The following MEGF11 variants were observed in gnomAD, a reference collection of about 807,000 sequenced individuals.
The protein encoded by MEGF11 is multiple EGF like domains 11.
In MEGF11, 126 loss-of-function variants were observed where a neutral mutation model predicts 146.6. That is an observed-to-expected ratio of 0.86 (90% CI 0.74 to 1.00). The LOEUF (loss-of-function observed/expected upper bound fraction) is 1.00, where lower values mean the gene tolerates loss of function less well. MEGF11 is among the 50% of genes least tolerant of loss of function. The pLI, the probability that MEGF11 is intolerant of heterozygous loss-of-function variation, is 0.00. For synonymous variants in MEGF11, 532 were observed against 583.4 expected (o/e 0.91, Z 1.27); for missense variants, 1,509 against 1,521.2 (o/e 0.99, Z 0.13).
At chr15:66,074,149 C>G (rs1164074730) in intron 5 of MEGF11, among the ~76,000 whole-genome samples, 1 of 152,174 alleles carries the variant, frequency 6.6e-6, no homozygotes, top group Non-Finnish European at 1.5e-5. Flanking sequence ...CTGAGCCTGA[C>G]TGGTTTGATG....
chr15:66,169,325 C>G (rs1194464277), intron 1 of MEGF11, among the ~76,000 whole-genome samples: 1 of 152,236 alleles, frequency 6.6e-6, no homozygotes, highest in Non-Finnish European at 1.5e-5. Context: ...CAGCCTCCGA[C>G]CCTCCACCGT....
chr15:65,943,567 A>G (rs929355614), intron 10 of MEGF11, among the ~76,000 whole-genome samples: 1 of 152,156 alleles, frequency 6.6e-6, no homozygotes. Flanking sequence ...CTCTGCATGT[A>G]TGGAGAGCAG....
chr15:65,942,037 G>A (rs761096706), intron 10 of MEGF11, among the ~76,000 whole-genome samples: 1 of 152,140 alleles, frequency 6.6e-6, no homozygotes, highest in Admixed American at 6.5e-5. Flanking sequence ...CCTGCAGGGA[G>A]AGAATTCCCT....
intron 19 of MEGF11, 184 bp from the exon 20 acceptor site, chr15:65,914,157 G>A: frequency 1.7e-6 from 1 of 592,144 alleles, no homozygotes; most frequent in South Asian, 2.1e-5. Flanking sequence ...TAAAGGGGAT[G>A]GAGTCTCAGG....
chr15:65,896,727 T>G lies in MEGF11; in HGVS notation c.*1207A>C, dbSNP rs774305212. On this transcript the variant is annotated 3_prime_UTR_variant, in exon 26 of 26. Transcript: ENST00000395614. ...ACTGGGATCTGGAGCATTAGCTCAT[T>G]GTAATGCATATTGGGCTAGCTCAGT... The G allele has an allele frequency of 3.3e-5, 5 of 152,220 alleles. No homozygotes were observed. Among genetic ancestry groups the G allele is most frequent in the African/African-American group, 4.8e-5 (2 of 41,448 alleles). The allele number at this position is 152,220 out of a possible 1,614,324, so 9.4% of individuals were successfully genotyped here.
intron 2 of MEGF11, 22 bp from the exon 3 acceptor site, chr15:66,124,022 G>T (rs534844175): frequency 3.1e-6 from 5 of 1,589,382 alleles, no homozygotes; most frequent in African/African-American, 1.3e-5. Flanking sequence ...ATGGGAGATA[G>T]GAGCCATGAT....
At chr15:66,229,610 G>T (rs1432002581) in intron 1 of MEGF11, among the ~76,000 whole-genome samples, 1 of 152,212 alleles carries the variant, frequency 6.6e-6, no homozygotes, top group Non-Finnish European at 1.5e-5. Context: ...AGACAATTCA[G>T]TAGGATGACA....
At chr15:66,125,384 T>C (rs1240230491) in intron 2 of MEGF11, among the ~76,000 whole-genome samples, 5 of 152,162 alleles carry the variant, frequency 3.3e-5, no homozygotes, top group African/African-American at 1.2e-4. Flanking sequence ...ATCGCATGAA[T>C]CTTTGCTCCA....
chr15:66,115,497 T>A (rs544421840), intron 4 of MEGF11, among the ~76,000 whole-genome samples: 18 of 152,356 alleles, frequency 1.2e-4, no homozygotes, highest in African/African-American at 4.3e-4. Flanking sequence ...AACAGGAGGA[T>A]GCTGGTAACA....
At chr15:66,250,130 T>G (rs920179205) in intron 1 of MEGF11, among the ~76,000 whole-genome samples, 1 of 152,188 alleles carries the variant, frequency 6.6e-6, no homozygotes, top group Non-Finnish European at 1.5e-5. Flanking sequence ...AGCAAGATCA[T>G]AGTTGCCAGC....
intron 5 of MEGF11, among the ~76,000 whole-genome samples, chr15:66,007,380 C>A (rs1324942463): frequency 6.6e-6 from 1 of 152,152 alleles, no homozygotes; most frequent in Non-Finnish European, 1.5e-5. Context: ...TTTTGATTCC[C>A]TGCTAGGTTC....
intron 1 of MEGF11, among the ~76,000 whole-genome samples, chr15:66,158,949 A>T (rs1156371691): frequency 6.6e-6 from 1 of 152,214 alleles, no homozygotes; most frequent in Admixed American, 6.5e-5. Flanking sequence ...ACCTCTTTTA[A>T]AATGTCCTTA....
At chr15:66,128,669 T>C (rs2140963487) in intron 1 of MEGF11, among the ~76,000 whole-genome samples, 1 of 152,252 alleles carries the variant, frequency 6.6e-6, no homozygotes, top group South Asian at 2.1e-4. Flanking sequence ...GGTATAGATG[T>C]TCTCTCCAGG....
At chr15:65,936,704 A>T (rs1247090372) in intron 10 of MEGF11, among the ~76,000 whole-genome samples, 3 of 152,154 alleles carry the variant, frequency 2.0e-5, no homozygotes, top group African/African-American at 4.8e-5. Flanking sequence ...CAGAGAGACT[A>T]GAAGCTTCAT....
At position 65,929,819 on chromosome 15, in the gene MEGF11, C is replaced by T. The variant is rs372517267; in HGVS notation, c.1473G>A (p.Glu491=). The T allele has an allele frequency of 1.0e-5, 16 of 1,585,376 alleles. No homozygotes were observed. The highest frequency in any genetic ancestry group is 5.4e-5 in the African/African-American group (4 of 74,240). Residue 491 remains glutamate, a synonymous_variant, in exon 12 of 26, where the codon GAG becomes GAA. Transcript: ENST00000395614. ...CTGCCCCATTGGCACAGGTGCAGCTCTCGTTGCAGTTCAGGCCCCACGTCC... is the reference window on the plus strand; with the variant it reads ...CTGCCCCATTGGCACAGGTGCAGCTTTCGTTGCAGTTCAGGCCCCACGTCC... The part of the protein sequence containing the change: ...PSGTWGLNCN[E]SCTCANGAAC...
chr15:66,103,947 T>A (rs1344283505), intron 4 of MEGF11, among the ~76,000 whole-genome samples: 3 of 152,220 alleles, frequency 2.0e-5, no homozygotes, highest in African/African-American at 7.2e-5. Flanking sequence ...ATCAGTGCCC[T>A]GGAAACCCAG....
At chr15:65,930,508 C>T (rs78425656) in intron 11 of MEGF11, among the ~76,000 whole-genome samples, 9,380 of 152,268 alleles carry the variant, frequency 0.062, 424 homozygotes, top group Non-Finnish European at 0.093. Flanking sequence ...GCTCTGGGAA[C>T]GCTTTCTTTT....
At chr15:66,121,565 G>T (rs2088026116) in intron 3 of MEGF11, among the ~76,000 whole-genome samples, 1 of 152,174 alleles carries the variant, frequency 6.6e-6, no homozygotes, top group Non-Finnish European at 1.5e-5. Context: ...GGGCAAGTTA[G>T]CACAACAATA....
chr15:65,968,229 GA>G (rs1460421708), intron 8 of MEGF11, among the ~76,000 whole-genome samples: 2 of 151,952 alleles, frequency 1.3e-5, no homozygotes, highest in Non-Finnish European at 2.9e-5. Flanking sequence ...AGAAGGGGAG[GA>G]AAAAGAGCAG....
Sources: allele counts gnomAD v4.1 joint callset (sites outside exome capture counted in the v4.1 genomes callset), GRCh38; gene constraint gnomAD v4.1.1; transcripts MANE v1.5; gene names NCBI Gene and HGNC (gene_info 2026-07-23, HGNC 2026-07-21).